The following BDP1 variants were observed in gnomAD, a reference collection of about 807,000 sequenced individuals.
BDP1 encodes BDP1 general transcription factor IIIB subunit.
A neutral mutation model predicts 266.6 loss-of-function variants in BDP1; 169 were observed. That is an observed-to-expected ratio of 0.63 (90% CI 0.56 to 0.72). BDP1 has a LOEUF of 0.72. BDP1 is among the 30% of genes least tolerant of loss of function. BDP1 has a pLI of 0.00. For missense variants in BDP1, 3,015 were observed against 3,053.8 expected (o/e 0.99, Z 0.30); for synonymous variants, 1,090 against 1,022.4 (o/e 1.07, Z -1.26).
chr5:71,564,976 CTG>C lies in BDP1; in HGVS notation c.*93_*94del. 3 of 1,195,788 alleles carry C rather than the reference CTG, an allele frequency of 2.5e-6. No individual in the cohort carries two copies. The highest frequency in any genetic ancestry group is 3.5e-6 in the Non-Finnish European group (3 of 858,408). 74.1% of individuals were successfully genotyped at this position (1,195,788 alleles called of 1,614,324 possible). A position where few individuals can be genotyped will look rare whatever the true frequency, so the allele number is the denominator to read the frequency against. On this transcript the variant is annotated 3_prime_UTR_variant, in exon 39 of 39. Coordinates refer to ENST00000358731, the MANE Select transcript of BDP1 (RefSeq NM_018429.3). ...AAACAGTATTTAGAGCAAAATATCA[CTG>C]TCTTATTTTTCTTTAGGTTGATTTT...
chr5:71,544,904 A>AAAAAAAAAAAG lies in BDP1; in HGVS notation c.6564-133_6564-132insAAAAAAAAGAA, dbSNP rs375850328. 4.3e-5 allele frequency: 19 copies of AAAAAAAAAAAG among 442,758 alleles called. 2 individuals are homozygous for AAAAAAAAAAAG. The highest frequency in any genetic ancestry group is 9.6e-5 in the South Asian group (4 of 41,704). 27.4% of individuals were successfully genotyped at this position (442,758 alleles called of 1,614,324 possible). On this transcript the variant is annotated intron_variant, in intron 31 of 38. Transcript: ENST00000358731. ...CAAAAAAAAAAAAAAAAAAAAAAAAAAAGTCCTATTGCATTAAATATGTTT... is the reference window on the plus strand; with the variant it reads ...CAAAAAAAAAAAAAAAAAAAAAAAAAAAAAAAAAAAGAAGTCCTATTGCATTAAATATGTTT...
chr5:71,480,148 G>C (rs74693884), intron 7 of BDP1, among the ~76,000 whole-genome samples: 63,031 of 148,500 alleles, frequency 0.42, 13,584 homozygotes, highest in South Asian at 0.48. Context: ...GTCTCACTCT[G>C]TCGCCAGGCT....
intron 7 of BDP1, among the ~76,000 whole-genome samples, chr5:71,479,941 GT>G (rs1219858477): frequency 6.6e-6 from 1 of 151,340 alleles, no homozygotes; most frequent in African/African-American, 2.4e-5. Context: ...TCCGTCACGG[GT>G]TTTTTTGTTT....
intron 17 of BDP1, 106 bp downstream of exon 17, chr5:71,511,257 C>T: frequency 9.1e-7 from 1 of 1,099,600 alleles, no homozygotes; most frequent in Non-Finnish European, 1.3e-6. Flanking sequence ...TTAAAAATCT[C>T]TAAAAGTCTA....
At chr5:71,468,933 A>G (rs1762073352) in intron 6 of BDP1, among the ~76,000 whole-genome samples, 1 of 152,104 alleles carries the variant, frequency 6.6e-6, no homozygotes, top group Admixed American at 6.6e-5. Context: ...TAATGCGAAT[A>G]ATGTTCTACC....
chr5:71,544,969 C>A (rs1187720493), intron 31 of BDP1, 70 bp from the exon 32 acceptor site: 3 of 1,336,722 alleles, frequency 2.2e-6, no homozygotes, highest in Non-Finnish European at 3.1e-6. Flanking sequence ...ATCTTTTACA[C>A]ACCTAGCTCT....
chr5:71,541,418 G>A (rs747547390), intron 28 of BDP1, 36 bp from the exon 29 acceptor site: 1 of 883,764 alleles, frequency 1.1e-6, no homozygotes, highest in Non-Finnish European at 1.6e-6. Flanking sequence ...CTATAATTTG[G>A]TCCATTTTAA....
rs906017335 is a variant in BDP1 at position 71,510,938 on chromosome 5, G to T, written c.3846G>T (p.Leu1282Phe). The change falls in exon 17 of 39, where the codon TTG becomes TTT. Residue 1282 changes from leucine to phenylalanine, a missense_variant. Physicochemically the swap from Leu to Phe is conservative, Grantham distance 22. Around this residue, in one of 3 missense-constraint regions of BDP1, gnomAD observed 2,383 missense variants for 2,404.9 expected, o/e 0.99. Coordinates refer to ENST00000358731, the MANE Select transcript of BDP1 (RefSeq NM_018429.3). The stretch of plus-strand genomic sequence containing the variant: ...TTGTTGAAGAAATGGAGGCAGATTT[G>T]AAAGAAACTGGAAAAGAAAATTTTA... ...MAVVEEMEAD[L>F]KETGKENFRE... 1 of 1,614,176 alleles carries T rather than the reference G, an allele frequency of 6.2e-7. No individual in the cohort carries two copies. Among genetic ancestry groups the T allele is most frequent in the Non-Finnish European group, 8.5e-7 (1 of 1,180,014 alleles).
chr5:71,490,995 G>T lies in BDP1; in HGVS notation c.1504G>T (p.Ala502Ser). 6.2e-7 allele frequency: 1 copy of T among 1,604,482 alleles called. No individual in the cohort carries two copies. Among genetic ancestry groups the T allele is most frequent in the Non-Finnish European group, 8.5e-7 (1 of 1,176,404 alleles). Residue 502 changes from alanine (A) to serine (S), a missense_variant, in exon 11 of 39, where the codon GCT (alanine) becomes TCT (serine). This residue lies in a region of BDP1 where 2,383 missense variants were observed against 2,404.9 expected (regional missense o/e 0.99). Coordinates refer to ENST00000358731, the MANE Select transcript of BDP1 (RefSeq NM_018429.3). The part of the protein sequence containing the change: ...KGEKHKNKCQ[A>S]IRPELKEGEC... The stretch of plus-strand genomic sequence containing the variant: ...TTTTGTATTTGTAGATAAATGTCAG[G>T]CTATAAGGCCTGAGCTAAAGGAAGG...
chr5:71,504,346 A>C (rs1023347256), intron 15 of BDP1, among the ~76,000 whole-genome samples: 1 of 152,110 alleles, frequency 6.6e-6, no homozygotes, highest in Non-Finnish European at 1.5e-5. Flanking sequence ...ATTCAGAAAG[A>C]TAGACCCCAC....
chr5:71,542,518 T>TTCTCTCTC (rs1189674336), intron 30 of BDP1, among the ~76,000 whole-genome samples: 1 of 151,894 alleles, frequency 6.6e-6, no homozygotes, highest in Non-Finnish European at 1.5e-5. Context: ...CTTTCTCTCA[T>TTCTCTCTC]TCTCTCTCTC....
At chr5:71,542,305 A>T (rs760298423) in intron 30 of BDP1, 40 bp downstream of exon 30, 5 of 1,511,614 alleles carry the variant, frequency 3.3e-6, no homozygotes, top group Non-Finnish European at 4.5e-6. Flanking sequence ...AATCATTTTG[A>T]CACAAGAAAT....
Position 71,513,251 on chromosome 5 carries a change from C to T in BDP1, c.4314C>T (p.Phe1438=), listed in dbSNP as rs749051017. Residue 1438 remains phenylalanine, a synonymous_variant, in exon 19 of 39, where the codon TTC becomes TTT. Transcript: ENST00000358731. ...CAGCACCTTTTGTGAGGAGCCGATTCAAAAGACCAAAACCAAACTTAGCAA... is the reference window on the plus strand; with the variant it reads ...CAGCACCTTTTGTGAGGAGCCGATTTAAAAGACCAAAACCAAACTTAGCAA... ...IKPAPFVRSR[F]KRPKPNLARA... 6.2e-7 allele frequency: 1 copy of T among 1,613,556 alleles called. No homozygotes were observed. The highest frequency in any genetic ancestry group is 1.7e-5 in the Admixed American group (1 of 59,934).
the BDP1 span, among the ~76,000 whole-genome samples, chr5:71,577,045 G>A: frequency 1.3e-5 from 2 of 152,254 alleles, no homozygotes; most frequent in African/African-American, 4.8e-5. Flanking sequence ...ACCAGCTCCA[G>A]GTAAACAATA....
intron 27 of BDP1, 126 bp from the exon 28 acceptor site, chr5:71,539,431 G>A (rs1002753721): frequency 1.4e-4 from 95 of 670,444 alleles, no homozygotes; most frequent in Non-Finnish European, 2.2e-4. Flanking sequence ...CTTAGTAAGG[G>A]ATTAATGGCT....
intron 3 of BDP1, 100 bp downstream of exon 3, chr5:71,462,026 A>C (rs1457126101): frequency 2.9e-6 from 2 of 679,762 alleles, no homozygotes; most frequent in African/African-American, 4.0e-5. Context: ...GCAGTGGTGC[A>C]ATCTTGGCTC....
chr5:71,469,766 A>T (rs188882934), intron 6 of BDP1, among the ~76,000 whole-genome samples: 1 of 149,896 alleles, frequency 6.7e-6, no homozygotes, highest in Non-Finnish European at 1.5e-5. Flanking sequence ...GGTGCACGCC[A>T]CCACGCCCAG....
chr5:71,567,998 C>T (rs1744127944), downstream of BDP1, among the ~76,000 whole-genome samples: 1 of 151,860 alleles, frequency 6.6e-6, no homozygotes, highest in Admixed American at 6.6e-5. Flanking sequence ...AAAAATCAGC[C>T]AACTGTGGTG....
At chr5:71,506,559 T>G (rs539200176) in intron 16 of BDP1, among the ~76,000 whole-genome samples, 1 of 152,098 alleles carries the variant, frequency 6.6e-6, no homozygotes, top group African/African-American at 2.4e-5. Context: ...GGAGGATCAC[T>G]TGAGGCCAGG....
Sources: allele counts gnomAD v4.1 joint callset (sites outside exome capture counted in the v4.1 genomes callset), GRCh38; gene constraint gnomAD v4.1.1; regional missense constraint gnomAD v4.1.1; transcripts MANE v1.5; gene names NCBI Gene and HGNC (gene_info 2026-07-23, HGNC 2026-07-21).